The following CSMD1 variants were observed in gnomAD, a reference collection of about 807,000 sequenced individuals.
CSMD1 encodes the protein CUB and Sushi multiple domains 1, also known as CUB and sushi domain-containing protein 1.
In CSMD1, 213 loss-of-function variants were observed where a neutral mutation model predicts 417.5. The observed-to-expected ratio is 0.51, with a 90% CI of 0.46 to 0.57. The LOEUF (loss-of-function observed/expected upper bound fraction) is 0.57. Among genes scored for constraint, CSMD1 ranks in the 20% least tolerant of loss-of-function variants. The pLI is 0.00. For missense variants in CSMD1, 6,923 were observed against 4,529.7 expected, an observed-to-expected ratio of 1.53 and a Z score of -15.17; for synonymous variants, 2,862 against 1,736.8, an observed-to-expected ratio of 1.65 and a Z score of -16.11.
At chr8:4,782,311 C>A (rs1166013685) in intron 1 of CSMD1, among the ~76,000 whole-genome samples, 1 of 152,092 alleles carries the variant, frequency 6.6e-6, no homozygotes, top group Non-Finnish European at 1.5e-5. Flanking sequence ...TGCTAGTTAC[C>A]TTGATTTGAT....
At chr8:3,309,191 G>A (rs1805130066) in intron 23 of CSMD1, among the ~76,000 whole-genome samples, 1 of 152,076 alleles carries the variant, frequency 6.6e-6, no homozygotes, top group African/African-American at 2.4e-5. Flanking sequence ...CAAGGAAGAG[G>A]GGCCACCTAT....
chr8:2,994,441 T>C (rs1806694758), intron 54 of CSMD1, among the ~76,000 whole-genome samples: 1 of 152,170 alleles, frequency 6.6e-6, no homozygotes, highest in Non-Finnish European at 1.5e-5. Flanking sequence ...GCTGATGTCA[T>C]GCGGACAACT....
At chr8:4,112,200 A>G (rs1801893010) in intron 3 of CSMD1, among the ~76,000 whole-genome samples, 1 of 152,132 alleles carries the variant, frequency 6.6e-6, no homozygotes, top group African/African-American at 2.4e-5. Flanking sequence ...AATTATCAAG[A>G]ACCAGTAACA....
At chr8:4,609,594 A>G (rs1801060702) in intron 2 of CSMD1, among the ~76,000 whole-genome samples, 1 of 152,218 alleles carries the variant, frequency 6.6e-6, no homozygotes, top group Non-Finnish European at 1.5e-5. Flanking sequence ...CTGCCATCAC[A>G]GAGTATGATC....
chr8:4,046,884 A>T (rs1486879757), intron 3 of CSMD1, among the ~76,000 whole-genome samples: 1 of 152,106 alleles, frequency 6.6e-6, no homozygotes. Context: ...AGAATGTGAC[A>T]ATGAGGCCAT....
chr8:4,771,307 T>C (rs550852071), intron 1 of CSMD1, among the ~76,000 whole-genome samples: 1 of 152,306 alleles, frequency 6.6e-6, no homozygotes, highest in East Asian at 1.9e-4. Flanking sequence ...CTAATTGTAT[T>C]AAAGTTTCTC....
intron 49 of CSMD1, among the ~76,000 whole-genome samples, chr8:3,079,888 G>A (rs902981283): frequency 6.6e-6 from 1 of 152,054 alleles, no homozygotes; most frequent in Non-Finnish European, 1.5e-5. Flanking sequence ...ATATCCACGT[G>A]CATCCTCTGT....
At chr8:3,332,402 C>A (rs534631649) in intron 23 of CSMD1, among the ~76,000 whole-genome samples, 89 of 152,308 alleles carry the variant, frequency 5.8e-4, no homozygotes, top group Non-Finnish European at 1.1e-3. Flanking sequence ...CCAGGTGGGG[C>A]CTGAATTAGC....
chr8:3,533,188 G>T (rs1464788428), intron 10 of CSMD1, among the ~76,000 whole-genome samples: 3 of 152,148 alleles, frequency 2.0e-5, no homozygotes, highest in Admixed American at 6.5e-5. Flanking sequence ...TGTACACAAA[G>T]AAAGAGCACC....
At chr8:4,692,669 C>T (rs867943363) in intron 1 of CSMD1, among the ~76,000 whole-genome samples, 3 of 152,066 alleles carry the variant, frequency 2.0e-5, no homozygotes, top group East Asian at 1.9e-4. Context: ...CCTGGTTTGC[C>T]GATGGTCACC....
chr8:4,897,794 A>T (rs1232018630), intron 1 of CSMD1, among the ~76,000 whole-genome samples: 1 of 152,136 alleles, frequency 6.6e-6, no homozygotes, highest in East Asian at 1.9e-4. Flanking sequence ...ATGCCAGTAG[A>T]TGATACAGAA....
chr8:4,811,583 T>G (rs1369509624), intron 1 of CSMD1, among the ~76,000 whole-genome samples: 2 of 152,172 alleles, frequency 1.3e-5, no homozygotes, highest in Non-Finnish European at 2.9e-5. Context: ...AGGCTCATCC[T>G]TTGGCAATAA....
At chr8:4,446,936 TAA>T (rs74569596) in intron 2 of CSMD1, among the ~76,000 whole-genome samples, 1 of 141,866 alleles carries the variant, frequency 7.0e-6, no homozygotes. Context: ...CGTGTTTATT[TAA>T]AAAAAAAAAA....
intron 23 of CSMD1, among the ~76,000 whole-genome samples, chr8:3,317,579 C>T (rs569834118): frequency 2.0e-5 from 3 of 152,228 alleles, no homozygotes; most frequent in Admixed American, 2.0e-4. Context: ...CCCAGAATGA[C>T]TTAATTTTGT....
chr8:4,048,901 T>C (rs1449607974), intron 3 of CSMD1, among the ~76,000 whole-genome samples: 1 of 152,116 alleles, frequency 6.6e-6, no homozygotes, highest in Non-Finnish European at 1.5e-5. Context: ...ACAAAAATAG[T>C]CTATTTGCTA....
intron 5 of CSMD1, among the ~76,000 whole-genome samples, chr8:3,777,862 A>G (rs930598231): frequency 1.3e-5 from 2 of 148,928 alleles, no homozygotes; most frequent in African/African-American, 5.1e-5. Context: ...CTCAGTTCCC[A>G]CTCCAGACCC....
intron 3 of CSMD1, among the ~76,000 whole-genome samples, chr8:4,197,098 G>C (rs1363184309): frequency 3.9e-5 from 6 of 152,232 alleles, no homozygotes; most frequent in East Asian, 1.9e-4. Flanking sequence ...TCAAGATGAA[G>C]ACAATGCAAA....
intron 26 of CSMD1, among the ~76,000 whole-genome samples, chr8:3,262,624 G>T (rs145179345): frequency 8.5e-5 from 13 of 152,114 alleles, no homozygotes; most frequent in African/African-American, 2.9e-4. Flanking sequence ...GTCAGTGGAA[G>T]CACAGGTATT....
intron 6 of CSMD1, among the ~76,000 whole-genome samples, chr8:3,711,529 G>C (rs1211523687): frequency 6.6e-6 from 1 of 152,188 alleles, no homozygotes; most frequent in Non-Finnish European, 1.5e-5. Flanking sequence ...TTGCTCTGGT[G>C]CAACCACGGC....
Sources: allele counts gnomAD v4.1 joint callset (sites outside exome capture counted in the v4.1 genomes callset), GRCh38; gene constraint gnomAD v4.1.1; transcripts MANE v1.5; gene names NCBI Gene and HGNC (gene_info 2026-07-23, HGNC 2026-07-21).